Variants in HEXB observed in about 807,000 individuals in gnomAD.
The protein encoded by HEXB is beta-hexosaminidase subunit beta.
HEXB carries 51 observed loss-of-function variants against 71.2 expected under a neutral mutation model. That is an observed-to-expected ratio of 0.72 (90% CI 0.57 to 0.90). The LOEUF is 0.90. Among genes scored for constraint, HEXB ranks in the 40% least tolerant of loss-of-function variants. The pLI, the probability that HEXB is intolerant of heterozygous loss-of-function variation, is 0.00. For synonymous variants in HEXB, 266 were observed against 249.3 expected (o/e 1.07, Z -0.63); for missense variants, 617 against 677.0 (o/e 0.91, Z 0.98).
intron 1 of HEXB, among the ~76,000 whole-genome samples, chr5:74,670,040 A>G (rs1470481486): frequency 6.6e-6 from 1 of 152,138 alleles, no homozygotes; most frequent in East Asian, 1.9e-4. Flanking sequence ...CTTCAAACCA[A>G]AGAGAGTTTG....
chr5:74,676,109 A>G (rs1469778203), intron 1 of HEXB, among the ~76,000 whole-genome samples: 2 of 152,242 alleles, frequency 1.3e-5, no homozygotes, highest in East Asian at 1.9e-4. Context: ...TGCAATTCCT[A>G]TCAATAGCAG....
At chr5:74,660,077 A>G (rs879420611) in intron 1 of HEXB, among the ~76,000 whole-genome samples, 1 of 152,064 alleles carries the variant, frequency 6.6e-6, no homozygotes, top group Non-Finnish European at 1.5e-5. Flanking sequence ...TGTAAAAAAA[A>G]TAAATGAATA....
intron 1 of HEXB, among the ~76,000 whole-genome samples, chr5:74,659,678 A>G (rs1328206218): frequency 1.3e-5 from 2 of 152,198 alleles, no homozygotes; most frequent in African/African-American, 4.8e-5. Context: ...CTGCTCTGGG[A>G]AAAACCATGG....
chr5:74,715,716 T>TAA (rs373945141), intron 8 of HEXB, 26 bp downstream of exon 8: 867 of 1,203,212 alleles, frequency 7.2e-4, no homozygotes, highest in African/African-American at 4.1e-3. Flanking sequence ...AAAACCCCTT[T>TAA]AAAAAAAAAA....
chr5:74,673,965 G>T (rs938795666), intron 1 of HEXB, among the ~76,000 whole-genome samples: 1 of 152,070 alleles, frequency 6.6e-6, no homozygotes, highest in Non-Finnish European at 1.5e-5. Context: ...AATCAAAAGG[G>T]TCAGAATTTA....
At chr5:74,691,211 G>C (rs1280136376) in intron 2 of HEXB, among the ~76,000 whole-genome samples, 2 of 152,164 alleles carry the variant, frequency 1.3e-5, no homozygotes, top group Non-Finnish European at 2.9e-5. Context: ...TAACACATAT[G>C]AATGGAAATA....
intron 6 of HEXB, among the ~76,000 whole-genome samples, chr5:74,709,035 G>C (rs1406030505): frequency 3.3e-5 from 5 of 151,162 alleles, no homozygotes; most frequent in African/African-American, 9.7e-5. Flanking sequence ...TGACCACATA[G>C]TTGGAAGTAA....
upstream of HEXB, among the ~76,000 whole-genome samples, chr5:74,683,964 G>A (rs971387698): frequency 4.0e-5 from 6 of 151,802 alleles, no homozygotes; most frequent in African/African-American, 1.5e-4. Context: ...GGGATTACAG[G>A]CGCCCGCCAC....
Position 74,665,543 on chromosome 5 carries a change from C to A in HEXB, c.-376-23785C>A, listed in dbSNP as rs117916374. 4.0e-4 allele frequency among the ~76,000 whole-genome samples: 60 copies of A among 151,824 alleles called. 1 individual carries two copies. The East Asian group carries it at 0.011, about 29-fold the overall frequency. The stretch of plus-strand genomic sequence containing the variant: ...ATGTTAAAAACATCTTCTTGGAAAC[C>A]TACAAAGGACTATAAAAATAGAGAC... On this transcript the variant is annotated intron_variant, in intron 1 of 13. Coordinates refer to the HEXB transcript ENST00000511181.
At chr5:74,672,747 T>C (rs1241669906) in intron 1 of HEXB, among the ~76,000 whole-genome samples, 1 of 152,228 alleles carries the variant, frequency 6.6e-6, no homozygotes, top group Non-Finnish European at 1.5e-5. Flanking sequence ...ACACGTCAAA[T>C]TAAGTCCTTT....
upstream of HEXB, chr5:74,685,214 C>A (rs767060255): frequency 2.7e-6 from 4 of 1,465,954 alleles, no homozygotes; most frequent in Admixed American, 4.8e-5. Flanking sequence ...GAAGTCGGGT[C>A]CCGAGGCTCC....
chr5:74,700,129 C>T (rs937649903), intron 5 of HEXB, among the ~76,000 whole-genome samples: 12 of 148,984 alleles, frequency 8.1e-5, no homozygotes, highest in Admixed American at 2.7e-4. Context: ...ACCTCAGCCT[C>T]CTGAGTAGCT....
At chr5:74,709,763 C>A (rs1439893553) in intron 6 of HEXB, among the ~76,000 whole-genome samples, 1 of 152,178 alleles carries the variant, frequency 6.6e-6, no homozygotes, top group African/African-American at 2.4e-5. Flanking sequence ...TCTGAATAGA[C>A]CAATAACAGG....
At chr5:74,662,770 A>G (rs1748350920) in intron 1 of HEXB, among the ~76,000 whole-genome samples, 1 of 152,164 alleles carries the variant, frequency 6.6e-6, no homozygotes, top group African/African-American at 2.4e-5. Context: ...GAGTTTGAAC[A>G]CCTTTCCAGA....
At chr5:74,640,570 C>T (rs1302663624) in intron 1 of HEXB, 1 of 152,328 alleles carries the variant, frequency 6.6e-6, no homozygotes, top group African/African-American at 2.4e-5. Context: ...TAGGGCAGAG[C>T]AAGCCTGCCA....
rs923752671 is a variant in HEXB, at chr5:74,685,373, A to G, written c.113A>G (p.Gln38Arg). 2 of 1,588,974 alleles carry G rather than the reference A, an allele frequency of 1.3e-6. No individual in the cohort carries two copies. Residue 38 changes from glutamine (Q) to arginine (R), a missense_variant, in exon 1 of 14, where the codon CAG becomes CGG. Transcript: ENST00000261416. ...CTGACTCAGGTGGCGCTGGTGGTGCAGGTGGCGGAGGCGGCTCGGGCCCCG... is the reference window on the plus strand; with the variant it reads ...CTGACTCAGGTGGCGCTGGTGGTGCGGGTGGCGGAGGCGGCTCGGGCCCCG... ...ALLTQVALVV[Q>R]VAEAARAPSV...
At chr5:74,712,873 A>G (rs1749582156) in intron 6 of HEXB, among the ~76,000 whole-genome samples, 1 of 152,174 alleles carries the variant, frequency 6.6e-6, no homozygotes, top group African/African-American at 2.4e-5. Flanking sequence ...TACAAACAAT[A>G]TTGAGTTCTA....
At chr5:74,642,717 G>C (rs754972077) in intron 1 of HEXB, among the ~76,000 whole-genome samples, 2 of 152,052 alleles carry the variant, frequency 1.3e-5, no homozygotes, top group South Asian at 4.1e-4. Flanking sequence ...CAGAACTAGG[G>C]ACAGGTATGT....
At chr5:74,640,358 G>T (rs1747812820) in exon 1 of HEXB, 1 of 152,396 alleles carries the variant, frequency 6.6e-6, no homozygotes, top group Non-Finnish European at 1.5e-5. Context: ...ACGGTCACGG[G>T]CAAGGAGGCG....
Sources: allele counts gnomAD v4.1 joint callset (sites outside exome capture counted in the v4.1 genomes callset), GRCh38; gene constraint gnomAD v4.1.1; transcripts MANE v1.5; gene names NCBI Gene and HGNC (gene_info 2026-07-23, HGNC 2026-07-21).